CT45A1: variants seen among roughly 807,000 people sequenced by gnomAD.
CT45A1 encodes cancer/testis antigen 45-1.
chrX:135,709,258 TG>T (rs1328605093), upstream of CT45A1, among the ~76,000 whole-genome samples: 2 of 111,823 alleles, frequency 1.8e-5, no homozygotes, highest in African/African-American at 3.3e-5. Flanking sequence ...CCTGTGTAGC[TG>T]GGACTATAGG....
At chrX:135,718,437 A>G (rs1203011465) in intron 1 of CT45A1, among the ~76,000 whole-genome samples, 2 of 110,404 alleles carry the variant, frequency 1.8e-5, no homozygotes, top group Non-Finnish European at 1.9e-5. Context: ...TTCTAATAAG[A>G]GTTCCTAATA....
upstream of CT45A1, chrX:135,713,638 C>T (rs782008749): frequency 1.7e-5 from 13 of 744,538 alleles, no homozygotes; most frequent in South Asian, 4.2e-4. Context: ...AGTGGGGAGG[C>T]GCCACAACTT....
intron 1 of CT45A1, among the ~76,000 whole-genome samples, chrX:135,716,024 G>A (rs1266106976): frequency 2.7e-5 from 3 of 110,271 alleles, no homozygotes; most frequent in African/African-American, 9.9e-5. Context: ...TCTTTTTTAG[G>A]GCTGCAAAGT....
At chrX:135,708,714 G>A (rs1254945334), upstream of CT45A1, among the ~76,000 whole-genome samples, 1 of 111,477 alleles carries the variant, frequency 9.0e-6, no homozygotes, top group African/African-American at 3.3e-5. Flanking sequence ...GGAACTTCCT[G>A]TTCACCTTAT....
chrX:135,712,570 C>T (rs1386463828), upstream of CT45A1, among the ~76,000 whole-genome samples: 1 of 110,313 alleles, frequency 9.1e-6, no homozygotes, highest in African/African-American at 3.3e-5. Context: ...GCTCTGTTAC[C>T]CAGGCTGGAG....
chrX:135,714,483 T>G (rs1166639098), intron 1 of CT45A1, among the ~76,000 whole-genome samples: 2 of 109,672 alleles, frequency 1.8e-5, no homozygotes, highest in Non-Finnish European at 3.8e-5. Flanking sequence ...GGGGTGCTTT[T>G]CCTCGGTGGG....
At chrX:135,710,337 A>T (rs1556569232), upstream of CT45A1, 1 of 112,435 alleles carries the variant, frequency 8.9e-6, no homozygotes, top group Non-Finnish European at 1.9e-5. Flanking sequence ...TTGAGGAACT[A>T]GCGCTTTCCA....
intron 1 of CT45A1, among the ~76,000 whole-genome samples, chrX:135,717,934 T>G (rs2088001781): frequency 8.9e-6 from 1 of 112,197 alleles, no homozygotes; most frequent in Admixed American, 9.5e-5. Context: ...ACAGCACTTT[T>G]TAGAACCTCC....
intron 1 of CT45A1, among the ~76,000 whole-genome samples, chrX:135,715,350 TTACA>T (rs1316016664): frequency 3.1e-5 from 1 of 32,676 alleles, no homozygotes; most frequent in East Asian, 9.7e-4. Context: ...TATATAATAC[TTACA>T]TATAATACTT....
At chrX:135,715,234 T>TATATATATATATTATATATATTA (rs1569518741) in intron 1 of CT45A1, among the ~76,000 whole-genome samples, 1 of 70,290 alleles carries the variant, frequency 1.4e-5, no homozygotes, top group Non-Finnish European at 2.7e-5. Context: ...TATATAATAC[T>TATATATATATATTATATATATTA]TATATATATA....
chrX:135,712,929 T>TTTTTTTC (rs1556570037), upstream of CT45A1, among the ~76,000 whole-genome samples: 299 of 62,820 alleles, frequency 4.8e-3, 2 homozygotes, highest in African/African-American at 0.024. Flanking sequence ...TTTTCTTTTC[T>TTTTTTTC]TTTCTTTTTT....
chrX:135,715,669 A>G (rs1432871024), intron 1 of CT45A1, among the ~76,000 whole-genome samples: 4 of 100,098 alleles, frequency 4.0e-5, no homozygotes, highest in Admixed American at 1.2e-4. Flanking sequence ...ACTTATATAT[A>G]TAATACTTAT....
rs36094220 is a variant in CT45A1, at chrX:135,717,548, C to CA, written c.-6-1376dup. Among the ~76,000 whole-genome samples, 31 of 102,810 alleles carry CA rather than the reference C, an allele frequency of 3.0e-4. No individual in the cohort carries two copies. The East Asian group carries it at 4.0e-3, about 13-fold the overall frequency. 89.3% of individuals were successfully genotyped at this position (102,810 alleles called of 115,157 possible). The stretch of plus-strand genomic sequence containing the variant: ...TGGGCGACAGAGGGAGGCTCCGACT[C>CA]AAAAAAAAAAATGATGTCTTCCATT... On this transcript the variant is annotated intron_variant, in intron 1 of 4. Coordinates refer to ENST00000594565, the MANE Select transcript of CT45A1 (RefSeq NM_001017417.3).
intron 1 of CT45A1, among the ~76,000 whole-genome samples, chrX:135,715,384 A>ATAATACTTATATATATAATACTTATATC (rs2087975007): frequency 2.9e-5 from 2 of 69,459 alleles, no homozygotes; most frequent in African/African-American, 6.1e-5. Flanking sequence ...ATACTTATAT[A>ATAATACTTATATATATAATACTTATATC]TAATACTTAT....
chrX:135,710,601 T>C (rs1311023610), upstream of CT45A1, among the ~76,000 whole-genome samples: 2 of 112,226 alleles, frequency 1.8e-5, no homozygotes, highest in East Asian at 5.6e-4. Context: ...TGTAGCCAGG[T>C]TTGCCATGGT....
chrX:135,710,849 A>G (rs1229926907), upstream of CT45A1, among the ~76,000 whole-genome samples: 1 of 112,093 alleles, frequency 8.9e-6, no homozygotes, highest in Non-Finnish European at 1.9e-5. Context: ...CTGTCCACAT[A>G]TTTGTTTTTT....
At chrX:135,716,697 G>A (rs1291214117) in intron 1 of CT45A1, among the ~76,000 whole-genome samples, 5 of 110,712 alleles carry the variant, frequency 4.5e-5, no homozygotes, top group Admixed American at 9.7e-5. Flanking sequence ...ATTCTTTATG[G>A]TTAGTGCTTG....
At chrX:135,713,746 C>T in intron 1 of CT45A1, 56 bp downstream of exon 1, 1 of 693,906 alleles carries the variant, frequency 1.4e-6, no homozygotes, top group South Asian at 7.3e-5. Flanking sequence ...TTTAATTTCA[C>T]CCCAGAAAGT....
chrX:135,715,287 ATATATAATACTTATATATACAATACT>A (rs1556570959), intron 1 of CT45A1, among the ~76,000 whole-genome samples: 4 of 85,413 alleles, frequency 4.7e-5, no homozygotes, highest in African/African-American at 4.4e-5. Context: ...TAATACTTAT[ATATATAATACTTATATATACAATACT>A]TATATATAAT....
Sources: allele counts gnomAD v4.1 joint callset (sites outside exome capture counted in the v4.1 genomes callset), GRCh38; gene constraint gnomAD v4.1.1; transcripts MANE v1.5; gene names NCBI Gene and HGNC (gene_info 2026-07-23, HGNC 2026-07-21).